DNAH9: variants seen among roughly 807,000 people sequenced by gnomAD.
The protein encoded by DNAH9 is dynein axonemal heavy chain 9, also known as DNAH9 variant protein.
In DNAH9, 345 loss-of-function variants were observed where a neutral mutation model predicts 471.6. The ratio of observed to expected loss-of-function variants is 0.73; its 90% confidence interval spans 0.67 to 0.80. The LOEUF (loss-of-function observed/expected upper bound fraction) is 0.80, where lower values mean the gene tolerates loss of function less well. Ranked by LOEUF, DNAH9 falls within the 30% of genes least tolerant of loss-of-function variation. The probability of loss-of-function intolerance (pLI) is 0.00; values close to 1 mark genes in which losing one functional copy is unlikely to be tolerated. For synonymous variants in DNAH9, 2,093 were observed against 2,123.6 expected, an observed-to-expected ratio of 0.99 and a Z score of 0.40; for missense variants, 5,407 against 5,609.2, an observed-to-expected ratio of 0.96 and a Z score of 1.15.
intron 19 of DNAH9, among the ~76,000 whole-genome samples, 187 bp from the exon 20 acceptor site, chr17:11,689,379 T>TTTTC (rs1555565649): frequency 1.9e-4 from 27 of 142,082 alleles, no homozygotes; most frequent in African/African-American, 6.7e-4. Flanking sequence ...TTTTTTTTTT[T>TTTTC]CCCAAAAGAA....
rs907907769 is a variant in DNAH9 at position 11,617,003 on chromosome 17, T to A, written c.905-408T>A. ...TTTAAACTGATTACAGCTCTGCCTATTTTTGAGGCTCAGAGAGGTTACACG... is the reference window on the plus strand; with the variant it reads ...TTTAAACTGATTACAGCTCTGCCTAATTTTGAGGCTCAGAGAGGTTACACG... On this transcript the variant is annotated intron_variant, in intron 4 of 68. Transcript: ENST00000262442. Among the ~76,000 whole-genome samples the A allele has an allele frequency of 2.0e-5, 3 of 152,224 alleles. No homozygotes were observed. In the East Asian group the frequency reaches 5.8e-4, roughly 29 times the overall value.
chr17:11,893,270 C>G (rs997809784), intron 58 of DNAH9, among the ~76,000 whole-genome samples: 1 of 151,922 alleles, frequency 6.6e-6, no homozygotes, highest in African/African-American at 2.4e-5. Flanking sequence ...GTACACAGCT[C>G]ACTAATTCCC....
At position 11,738,942 on chromosome 17, in the gene DNAH9, G is replaced by C. The variant is rs753245869; in HGVS notation, c.5877G>C (p.Glu1959Asp). The change falls in exon 29 of 69, where the codon GAG becomes GAC. Residue 1959 changes from glutamate (E) to aspartate (D), a missense_variant. Transcript: ENST00000262442. ...AGTGGTTCAGCTTCCTTGGGGAGGA[G>C]ATCAGCCTGAATCCTTCTGTCGGTA... ...KKQWFSFLGE[E>D]ISLNPSVGIF... 5 of 1,614,084 alleles carry C rather than the reference G, an allele frequency of 3.1e-6. 1 individual carries two copies. The South Asian group carries it at 4.4e-5, about 14-fold the overall frequency.
At chr17:11,772,457 A>G (rs968815099) in intron 38 of DNAH9, among the ~76,000 whole-genome samples, 1 of 152,108 alleles carries the variant, frequency 6.6e-6, no homozygotes, top group Non-Finnish European at 1.5e-5. Context: ...GTTAGAACAC[A>G]GAGAATTTCT....
chr17:11,918,203 TTTTTTTGTTTTGTTTTG>T (rs1487060087), intron 61 of DNAH9, among the ~76,000 whole-genome samples: 2 of 145,018 alleles, frequency 1.4e-5, no homozygotes, highest in African/African-American at 5.2e-5. Flanking sequence ...TGGTTGGGTG[TTTTTTTGTTTTGTTTTG>T]TTTTGTTTTG....
intron 1 of DNAH9, 53 bp downstream of exon 1, chr17:11,598,968 G>A: frequency 1.5e-6 from 2 of 1,297,536 alleles, no homozygotes; most frequent in Non-Finnish European, 2.0e-6. Context: ...GGGAGGGGAG[G>A]AGGAGCCTTA....
intron 14 of DNAH9, among the ~76,000 whole-genome samples, chr17:11,662,312 G>A (rs774070785): frequency 6.6e-6 from 1 of 152,072 alleles, no homozygotes; most frequent in Non-Finnish European, 1.5e-5. Flanking sequence ...CATGCTTGGA[G>A]TTTGTAAGTT....
At position 11,869,150 on chromosome 17, in the gene DNAH9, T is replaced by C. The variant is rs1972169603; in HGVS notation, c.9950T>C (p.Leu3317Pro). ...KAKIAHLNEN[L>P]AKLTARFEKA... ...CCTAAACAGCACCTTAATGAAAACC[T>C]GGCAAAGCTCACAGCCAGGTTTGAG... The change falls in exon 51 of 69, where the codon CTG becomes CCG. Residue 3317 changes from leucine to proline, a missense_variant. By Grantham distance (98) the Leu-to-Pro change is moderately conservative (BLOSUM62 -3). Around this residue, in one of 3 missense-constraint regions of DNAH9, gnomAD observed 4,636 missense variants for 4,900.3 expected, o/e 0.95. Transcript: ENST00000262442. 6.2e-7 allele frequency: 1 copy of C among 1,613,700 alleles called. No individual in the cohort carries two copies. Among genetic ancestry groups the C allele is most frequent in the South Asian group, 1.1e-5 (1 of 91,020 alleles).
rs746973623 is a variant in DNAH9, at chr17:11,669,666, G to A, written c.3225G>A (p.Leu1075=). 61 of 1,614,168 alleles carry A rather than the reference G, an allele frequency of 3.8e-5. No individual in the cohort carries two copies. Among genetic ancestry groups the A allele is most frequent in the Admixed American group, 5.0e-5 (3 of 60,020 alleles). Residue 1075 remains leucine (L), a synonymous_variant, in exon 17 of 69, where the codon CTG becomes CTA. Coordinates refer to ENST00000262442, the MANE Select transcript of DNAH9 (RefSeq NM_001372.4). Reference sequence around the variant, plus strand: ...CGCTCTATGAAGAGGTGTGCAGGCTGGAACCCATCAAGGTGTTTGACGGCT... The same window carrying A: ...CGCTCTATGAAGAGGTGTGCAGGCTAGAACCCATCAAGGTGTTTGACGGCT... The part of the protein sequence containing the change: ...YETLYEEVCR[L]EPIKVFDGWM...
At chr17:11,736,801 T>C (rs945063240) in intron 28 of DNAH9, among the ~76,000 whole-genome samples, 1 of 152,156 alleles carries the variant, frequency 6.6e-6, no homozygotes, top group Non-Finnish European at 1.5e-5. Flanking sequence ...TGGGCTTCGG[T>C]GTTTCGAGAG....
chr17:11,942,561 A>G, intron 67 of DNAH9, 76 bp downstream of exon 67: 2 of 1,463,174 alleles, frequency 1.4e-6, no homozygotes, highest in Non-Finnish European at 1.8e-6. Flanking sequence ...AAGAAGGAGC[A>G]CTGGGGGACC....
chr17:11,608,241 T>C lies in DNAH9; in HGVS notation c.530T>C (p.Leu177Pro), dbSNP rs774279277. 2 of 1,614,044 alleles carry C rather than the reference T, an allele frequency of 1.2e-6. No homozygotes were observed. The highest frequency in any genetic ancestry group is 1.7e-4 in the Middle Eastern group (1 of 6,060). The change falls in exon 2 of 69, where the codon CTT becomes CCT. Residue 177 changes from leucine to proline, a missense_variant. By Grantham distance (98) the Leu-to-Pro change is moderately conservative. Around this residue, in one of 3 missense-constraint regions of DNAH9, gnomAD observed 767 missense variants for 692.5 expected, o/e 1.11. Coordinates refer to ENST00000262442, the MANE Select transcript of DNAH9 (RefSeq NM_001372.4). ...CTCCAATGTGACCTCTCAGTTATAC[T>C]TGAGCAAGTGAAGGGAAAAACTTTG... ...HSLQCDLSVI[L>P]EQVKGKTLLP...
intron 45 of DNAH9, among the ~76,000 whole-genome samples, chr17:11,814,200 A>G (rs528946093): frequency 6.6e-6 from 1 of 152,300 alleles, no homozygotes; most frequent in South Asian, 2.1e-4. Flanking sequence ...ACTTAAACTC[A>G]ACTTCAGCAA....
intron 17 of DNAH9, among the ~76,000 whole-genome samples, chr17:11,671,361 C>A (rs1208559761): frequency 6.6e-6 from 1 of 152,172 alleles, no homozygotes; most frequent in Non-Finnish European, 1.5e-5. Flanking sequence ...CGGTGTATGG[C>A]ATACAGGGCC....
rs1597601844 is a variant in DNAH9 at position 11,598,707 on chromosome 17, C to T, written c.209C>T (p.Pro70Leu). ...CGCGATGCTGCCGAGGGGCCGCGGC[C>T]GCTGCTGGTGGTGCGGCCCGGGCCC... is the stretch of plus-strand genomic sequence containing the variant. ...LGRDAAEGPR[P>L]LLVVRPGPRG... The change falls in exon 1 of 69, where the codon CCG becomes CTG. Residue 70 changes from proline to leucine, a missense_variant. Transcript: ENST00000262442. 7.3e-7 allele frequency: 1 copy of T among 1,373,162 alleles called. No individual in the cohort carries two copies. The allele number at this position is 1,373,162 out of a possible 1,614,324, so 85.1% of individuals were successfully genotyped here. A position where few individuals can be genotyped will look rare whatever the true frequency, so the allele number is the denominator to read the frequency against.
intron 26 of DNAH9, among the ~76,000 whole-genome samples, chr17:11,718,826 T>C (rs2075007932): frequency 6.6e-6 from 1 of 152,180 alleles, no homozygotes; most frequent in Non-Finnish European, 1.5e-5. Context: ...TGAGGGAGCC[T>C]CTGCTCACTC....
At chr17:11,852,645 C>T (rs1971463554) in intron 49 of DNAH9, among the ~76,000 whole-genome samples, 1 of 151,564 alleles carries the variant, frequency 6.6e-6, no homozygotes, top group Non-Finnish European at 1.5e-5. Context: ...AATATTTTTA[C>T]TTACAGATCC....
chr17:11,664,603 T>C (rs1000041873), intron 14 of DNAH9, among the ~76,000 whole-genome samples: 1 of 152,190 alleles, frequency 6.6e-6, no homozygotes, highest in African/African-American at 2.4e-5. Flanking sequence ...AACCCCATCC[T>C]CCTTCCTCAG....
At chr17:11,646,900 C>T (rs1425673157) in intron 11 of DNAH9, among the ~76,000 whole-genome samples, 172 bp from the exon 12 acceptor site, 3 of 152,028 alleles carry the variant, frequency 2.0e-5, no homozygotes, top group Non-Finnish European at 4.4e-5. Flanking sequence ...GCAACAAGAG[C>T]GAAACTCTGT....
Sources: gnomAD v4.1 joint callset for allele counts (sites outside exome capture counted in the v4.1 genomes callset) on GRCh38, gnomAD v4.1.1 for gene constraint, gnomAD v4.1.1 regional missense constraint, MANE v1.5 for transcripts, NCBI Gene and HGNC (gene_info 2026-07-23, HGNC 2026-07-21) for gene names.